NELL1: variants seen among roughly 807,000 people sequenced by gnomAD.
NELL1 encodes the protein protein kinase C-binding protein NELL1.
In NELL1, 76 loss-of-function variants were observed where a neutral mutation model predicts 107.4. The ratio of observed to expected loss-of-function variants is 0.71; its 90% CI spans 0.59 to 0.86. NELL1 has a LOEUF of 0.86. NELL1 is among the 40% of genes least tolerant of loss of function. The pLI is 0.00. For synonymous variants in NELL1, 353 were observed against 341.2 expected (o/e 1.03, Z -0.38); for missense variants, 1,024 against 1,005.5 (o/e 1.02, Z -0.25).
chr11:21,410,819 C>T (rs368792710), intron 15 of NELL1, among the ~76,000 whole-genome samples: 2 of 152,018 alleles, frequency 1.3e-5, no homozygotes, highest in Non-Finnish European at 2.9e-5. Context: ...CTGGAGCATA[C>T]GGCGTGTGCC....
At chr11:20,895,461 AT>A in intron 5 of NELL1, among the ~76,000 whole-genome samples, 1 of 144,330 alleles carries the variant, frequency 6.9e-6, no homozygotes, top group East Asian at 2.0e-4. Context: ...GTGTATTCAA[AT>A]TTTTTAGCTC....
chr11:21,229,241 T>C (rs1297592981), intron 13 of NELL1, 91 bp from the exon 14 acceptor site: 8 of 1,466,220 alleles, frequency 5.5e-6, no homozygotes, highest in Non-Finnish European at 7.5e-6. Flanking sequence ...TCACTGTCAT[T>C]CTTATTTGGT....
At chr11:21,220,339 A>G (rs539724619) in intron 13 of NELL1, among the ~76,000 whole-genome samples, 2 of 152,146 alleles carry the variant, frequency 1.3e-5, no homozygotes, top group East Asian at 3.9e-4. Flanking sequence ...CTTTTTGGCT[A>G]TTTGGGATCT....
chr11:20,899,884 C>T (rs1024821086), intron 5 of NELL1, among the ~76,000 whole-genome samples: 1 of 83,970 alleles, frequency 1.2e-5, no homozygotes, highest in East Asian at 4.2e-4. Context: ...ACATGAATCG[C>T]CAAAATGGAC....
At position 21,567,556 on chromosome 11, in the gene NELL1, G is replaced by A. The variant is rs944455668; in HGVS notation, c.1981-3208G>A. Among the ~76,000 whole-genome samples the A allele has an allele frequency of 1.5e-4, 23 of 151,786 alleles. 1 individual carries two copies. The highest frequency in any genetic ancestry group is 1.2e-4 in the African/African-American group (5 of 41,392). ...TTCTTGTTATTTGTATAGTAAAAGA[G>A]CCAATGCACACGATACATTTTTCAA... is the stretch of plus-strand genomic sequence containing the variant. On this transcript the variant is annotated intron_variant, in intron 17 of 19. Transcript: ENST00000357134.
chr11:21,398,471 TTTGTC>T (rs1212242405), intron 15 of NELL1, among the ~76,000 whole-genome samples: 1 of 151,680 alleles, frequency 6.6e-6, no homozygotes, highest in African/African-American at 2.4e-5. Flanking sequence ...AGTAGACACT[TTTGTC>T]TTGGTGAGAA....
chr11:21,540,714 C>T (rs1351700528), intron 16 of NELL1, among the ~76,000 whole-genome samples: 14 of 152,098 alleles, frequency 9.2e-5, no homozygotes, highest in Admixed American at 9.2e-4. Flanking sequence ...AACCCACTCA[C>T]CATCATGAGA....
intron 12 of NELL1, among the ~76,000 whole-genome samples, chr11:20,997,265 A>C (rs1245562622): frequency 6.6e-6 from 1 of 152,212 alleles, no homozygotes; most frequent in Non-Finnish European, 1.5e-5. Context: ...TCACCATGTC[A>C]GTAGTATGGG....
chr11:20,761,654 C>T (rs374942460), intron 2 of NELL1, among the ~76,000 whole-genome samples: 19 of 152,092 alleles, frequency 1.2e-4, no homozygotes, highest in East Asian at 7.7e-4. Flanking sequence ...CAAGTTTTAG[C>T]GAAGGAATGA....
intron 14 of NELL1, among the ~76,000 whole-genome samples, chr11:21,247,789 T>C (rs779964279): frequency 2.6e-5 from 4 of 152,228 alleles, no homozygotes; most frequent in Admixed American, 6.5e-5. Flanking sequence ...CGTTATATGA[T>C]TGGCAGCACA....
intron 12 of NELL1, among the ~76,000 whole-genome samples, chr11:21,029,617 A>G (rs979821860): frequency 2.0e-5 from 3 of 152,134 alleles, no homozygotes; most frequent in African/African-American, 7.2e-5. Flanking sequence ...AATGACTTCA[A>G]CTAGATTAAT....
chr11:20,780,760 G>A (rs1338316511), intron 2 of NELL1, among the ~76,000 whole-genome samples: 2 of 152,182 alleles, frequency 1.3e-5, no homozygotes, highest in African/African-American at 4.8e-5. Context: ...AGCTGAAGGA[G>A]AAGGAGTCAG....
chr11:21,259,738 CT>C (rs1430295315), intron 14 of NELL1, among the ~76,000 whole-genome samples: 10 of 150,414 alleles, frequency 6.6e-5, no homozygotes, highest in Non-Finnish European at 2.9e-5. Context: ...AGACCTTTTT[CT>C]TTTTTATTCT....
intron 12 of NELL1, among the ~76,000 whole-genome samples, chr11:21,086,921 T>TC: frequency 7.7e-6 from 1 of 130,176 alleles, no homozygotes; most frequent in Middle Eastern, 5.0e-3. Flanking sequence ...AACCTCCCCC[T>TC]CCCCAGTTCA....
At chr11:21,278,702 G>A (rs1219294681) in intron 14 of NELL1, among the ~76,000 whole-genome samples, 1 of 152,166 alleles carries the variant, frequency 6.6e-6, no homozygotes, top group Admixed American at 6.5e-5. Flanking sequence ...TAGGATGTCA[G>A]TTCTACCAAA....
intron 2 of NELL1, among the ~76,000 whole-genome samples, chr11:20,776,815 T>G (rs1856760728): frequency 6.6e-6 from 1 of 152,046 alleles, no homozygotes; most frequent in South Asian, 2.1e-4. Context: ...AAGCATCAGT[T>G]GAATGCCATG....
At chr11:20,676,616 G>T (rs899195534) in intron 1 of NELL1, among the ~76,000 whole-genome samples, 2 of 152,190 alleles carry the variant, frequency 1.3e-5, no homozygotes, top group African/African-American at 4.8e-5. Flanking sequence ...CTGACCAACC[G>T]TCTGTTGACA....
chr11:20,947,217 G>A, intron 10 of NELL1, 119 bp from the exon 11 acceptor site: 1 of 657,322 alleles, frequency 1.5e-6, no homozygotes, highest in South Asian at 1.9e-5. Flanking sequence ...TGGAATCCCT[G>A]GGAGTATTAA....
At chr11:21,007,671 C>G (rs1183020520) in intron 12 of NELL1, among the ~76,000 whole-genome samples, 1 of 151,908 alleles carries the variant, frequency 6.6e-6, no homozygotes, top group Non-Finnish European at 1.5e-5. Flanking sequence ...AGGAGGGACA[C>G]CTGTACATTC....
Sources: gnomAD v4.1 joint callset for allele counts (sites outside exome capture counted in the v4.1 genomes callset) on GRCh38, gnomAD v4.1.1 for gene constraint, MANE v1.5 for transcripts, NCBI Gene and HGNC (gene_info 2026-07-23, HGNC 2026-07-21) for gene names.